The following VPS8 variants were observed in gnomAD, a reference collection of about 807,000 sequenced individuals.
The protein encoded by VPS8 is VPS8 subunit of CORVET complex, also known as vacuolar protein sorting-associated protein 8 homolog.
A neutral mutation model predicts 216.4 loss-of-function variants in VPS8; 129 were observed. That is an observed-to-expected ratio of 0.60 (90% confidence interval 0.52 to 0.69). The LOEUF (loss-of-function observed/expected upper bound fraction) is 0.69, where lower values mean the gene tolerates loss of function less well. VPS8 is among the 30% of genes least tolerant of loss of function. The pLI is 0.00. For missense variants in VPS8, 1,531 were observed against 1,683.5 expected (o/e 0.91, Z 1.59); for synonymous variants, 571 against 565.4 (o/e 1.01, Z -0.14).
chr3:184,989,821 C>G (rs1751631043), intron 42 of VPS8, among the ~76,000 whole-genome samples: 1 of 152,044 alleles, frequency 6.6e-6, no homozygotes, highest in Middle Eastern at 3.4e-3. Flanking sequence ...ACCTATAATC[C>G]CAGCACTTTG....
At chr3:185,046,296 T>C (rs893657182) in intron 46 of VPS8, among the ~76,000 whole-genome samples, 6 of 152,244 alleles carry the variant, frequency 3.9e-5, no homozygotes, top group Non-Finnish European at 7.3e-5. Flanking sequence ...CTGTTACTTA[T>C]CTTCAGGGCT....
chr3:184,859,545 A>G (rs1577937574), intron 14 of VPS8, among the ~76,000 whole-genome samples: 3 of 152,312 alleles, frequency 2.0e-5, no homozygotes, highest in South Asian at 4.1e-4. Context: ...TACATTTTCC[A>G]TGAACTTTTT....
In VPS8 at chr3:184,886,159, G is replaced by C; in HGVS notation, c.1781+3G>C. ...TACTGCCTTCTGCTGCAGCGAAAGT[G>C]AGTATGCGTTGCCTGTCACATTCAA... On this transcript the variant is annotated splice_donor_region_variant and intron_variant, in intron 22 of 47. Transcript: ENST00000625842. 6.2e-7 allele frequency: 1 copy of C among 1,606,512 alleles called. No homozygotes were observed. Among genetic ancestry groups the C allele is most frequent in the Non-Finnish European group, 8.5e-7 (1 of 1,176,196 alleles).
rs554936211 is a variant in VPS8 at position 184,964,532 on chromosome 3, A to G, written c.3248A>G (p.His1083Arg). 5.9e-6 allele frequency: 9 copies of G among 1,520,058 alleles called. 1 individual carries two copies. In the South Asian group the frequency reaches 8.9e-5, roughly 15 times the overall value. 94.2% of individuals were successfully genotyped at this position (1,520,058 alleles called of 1,614,324 possible). A position where few individuals can be genotyped will look rare whatever the true frequency, so the allele number is the denominator to read the frequency against. The change falls in exon 38 of 48, where the codon CAT (histidine) becomes CGT (arginine). Residue 1083 changes from histidine (H) to arginine (R), a missense_variant. Physicochemically the swap from His to Arg is conservative, Grantham distance 29. Around this residue, in one of 3 missense-constraint regions of VPS8, gnomAD observed 1,318 missense variants for 1,468.4 expected, o/e 0.90. Transcript: ENST00000625842. ...AYLLEKKGDI[H>R]GAFLIMLERL... ...CTATTGGAAAAGAAAGGAGATATTC[A>G]TGGTGCCTTCCTAATAATGTTAGAG...
At chr3:184,983,415 T>G (rs1750538447) in intron 42 of VPS8, among the ~76,000 whole-genome samples, 1 of 152,202 alleles carries the variant, frequency 6.6e-6, no homozygotes, top group Non-Finnish European at 1.5e-5. Context: ...ATCAGCTGAT[T>G]ATAATTTTTA....
At chr3:184,819,494 AT>A (rs1353895102) in intron 1 of VPS8, among the ~76,000 whole-genome samples, 13 of 152,220 alleles carry the variant, frequency 8.5e-5, no homozygotes, top group Non-Finnish European at 1.8e-4. Flanking sequence ...CTGGGATAAC[AT>A]TTAAGGGATA....
In VPS8 at chr3:184,841,863, G is replaced by C. The variant is rs536945805; in HGVS notation, c.536-1377G>C. Among the ~76,000 whole-genome samples, 6 of 152,308 alleles carry C rather than the reference G, an allele frequency of 3.9e-5. No individual in the cohort carries two copies. The East Asian group carries it at 1.2e-3, about 29-fold the overall frequency. ...AGTTCATTGAGGAATGCTGAATCCT[G>C]TATAAGTGTATTTCCACTATTCTAA... On this transcript the variant is annotated intron_variant, in intron 7 of 47. Coordinates refer to ENST00000625842, the MANE Select transcript of VPS8 (RefSeq NM_001009921.3).
chr3:184,848,635 C>A lies in VPS8; in HGVS notation c.542-436C>A, dbSNP rs960839426. ...GCAGGCTGGAGTGCGGTAGTGTGAT[C>A]TCAGCTGACTGCAACCTCTGCCTCC... On this transcript the variant is annotated intron_variant, in intron 8 of 47. Transcript: ENST00000625842. Among the ~76,000 whole-genome samples the A allele has an allele frequency of 1.2e-4, 15 of 127,724 alleles. No homozygotes were observed. In the Admixed American group the frequency reaches 1.5e-3, roughly 13 times the overall value. 83.8% of individuals were successfully genotyped at this position (127,724 alleles called of 152,430 possible). A position where few individuals can be genotyped will look rare whatever the true frequency, so the allele number is the denominator to read the frequency against.
chr3:184,936,390 A>G, intron 35 of VPS8, 55 bp downstream of exon 35: 1 of 1,436,610 alleles, frequency 7.0e-7, no homozygotes, highest in Non-Finnish European at 9.6e-7. Flanking sequence ...GACAATTATT[A>G]AATCGTCACC....
chr3:184,926,771 G>A (rs758435677), intron 31 of VPS8, 121 bp downstream of exon 31: 16 of 940,974 alleles, frequency 1.7e-5, no homozygotes, highest in African/African-American at 3.4e-5. Context: ...ACCCTAATAC[G>A]AAGTTAGAGT....
At chr3:185,030,750 G>A (rs967034621) in intron 46 of VPS8, among the ~76,000 whole-genome samples, 26 of 152,246 alleles carry the variant, frequency 1.7e-4, no homozygotes, top group African/African-American at 6.0e-4. Flanking sequence ...TACGTTATAA[G>A]AATTTGGAGC....
intron 39 of VPS8, among the ~76,000 whole-genome samples, chr3:184,971,447 T>C (rs1249928155): frequency 1.3e-5 from 2 of 152,244 alleles, no homozygotes; most frequent in Non-Finnish European, 2.9e-5. Flanking sequence ...GTCCTACGAA[T>C]GTAAAACATT....
At chr3:184,860,368 T>C (rs1467975203) in intron 15 of VPS8, among the ~76,000 whole-genome samples, 1 of 151,346 alleles carries the variant, frequency 6.6e-6, no homozygotes, top group Admixed American at 6.6e-5. Context: ...AGTATATGTG[T>C]GTGTGTATAT....
intron 43 of VPS8, among the ~76,000 whole-genome samples, chr3:184,994,735 T>C (rs1309885283): frequency 6.6e-6 from 1 of 152,198 alleles, no homozygotes; most frequent in East Asian, 1.9e-4. Flanking sequence ...ATGAGTATTA[T>C]TTTAAACATT....
intron 16 of VPS8, among the ~76,000 whole-genome samples, chr3:184,864,142 GA>G (rs1436956649): frequency 3.3e-5 from 5 of 151,772 alleles, no homozygotes; most frequent in East Asian, 1.9e-4. Context: ...AAGGAGAAGG[GA>G]GGGGGAGGGG....
At chr3:184,855,841 G>C (rs761508858) in intron 14 of VPS8, 23 bp downstream of exon 14, 3 of 1,563,360 alleles carry the variant, frequency 1.9e-6, no homozygotes, top group Non-Finnish European at 2.6e-6. Context: ...ATGACCATTA[G>C]AAAGCCTCTT....
intron 44 of VPS8, among the ~76,000 whole-genome samples, chr3:184,998,659 G>A (rs969051385): frequency 1.3e-5 from 2 of 151,966 alleles, no homozygotes; most frequent in Non-Finnish European, 2.9e-5. Context: ...ATAAATCAGT[G>A]TAGATGGCTG....
chr3:184,977,889 T>TTC (rs1553892097), intron 40 of VPS8, among the ~76,000 whole-genome samples: 1 of 149,822 alleles, frequency 6.7e-6, no homozygotes, highest in Non-Finnish European at 1.5e-5. Context: ...TTTTTCTTTT[T>TTC]TTTTTTTTTT....
intron 7 of VPS8, 192 bp downstream of exon 7, chr3:184,839,944 G>GT (rs1721813086): frequency 7.6e-7 from 1 of 1,314,948 alleles, no homozygotes; most frequent in Admixed American, 3.5e-5. Flanking sequence ...CTTATTGCAA[G>GT]TTTATTTTCT....
Sources: allele counts gnomAD v4.1 joint callset (sites outside exome capture counted in the v4.1 genomes callset), GRCh38; gene constraint gnomAD v4.1.1; regional missense constraint gnomAD v4.1.1; transcripts MANE v1.5; gene names NCBI Gene and HGNC (gene_info 2026-07-23, HGNC 2026-07-21).